Variants in GRIK2 observed in about 807,000 individuals in gnomAD.
The protein encoded by GRIK2 is glutamate receptor ionotropic, kainate 2.
In GRIK2, 32 loss-of-function variants were observed where a neutral mutation model predicts 100.3. The ratio of observed to expected loss-of-function variants is 0.32; its 90% confidence interval spans 0.24 to 0.43. The LOEUF (loss-of-function observed/expected upper bound fraction) is 0.43, where lower values mean the gene tolerates loss of function less well. Among genes scored for constraint, GRIK2 ranks in the 20% least tolerant of loss-of-function variants. GRIK2 has a pLI of 1.00. For missense variants in GRIK2, 843 were observed against 1,114.9 expected, an observed-to-expected ratio of 0.76 and a Z score of 3.47; for synonymous variants, 417 against 389.4, an observed-to-expected ratio of 1.07 and a Z score of -0.83.
chr6:101,799,306 T>A (rs548827305), intron 7 of GRIK2, among the ~76,000 whole-genome samples: 1 of 149,150 alleles, frequency 6.7e-6, no homozygotes, highest in African/African-American at 2.5e-5. Flanking sequence ...TGTGTGTGTG[T>A]ATAAGTGAGA....
At chr6:101,452,662 T>C (rs982405010) in intron 2 of GRIK2, among the ~76,000 whole-genome samples, 8 of 151,800 alleles carry the variant, frequency 5.3e-5, no homozygotes, top group African/African-American at 1.9e-4. Context: ...TTGAAGTGCC[T>C]TCAAGCAAAA....
chr6:101,909,380 T>TTTGTTGTTG (rs1337762923), intron 12 of GRIK2, among the ~76,000 whole-genome samples: 4 of 132,532 alleles, frequency 3.0e-5, no homozygotes, highest in African/African-American at 1.3e-4. Context: ...GGTTTTCTTT[T>TTTGTTGTTG]TCTTTTTTTT....
chr6:102,042,367 A>G (rs1310452527), intron 15 of GRIK2, among the ~76,000 whole-genome samples: 1 of 151,684 alleles, frequency 6.6e-6, no homozygotes, highest in African/African-American at 2.4e-5. Context: ...AAATATAAAC[A>G]TAAATCATCT....
intron 7 of GRIK2, among the ~76,000 whole-genome samples, chr6:101,739,010 C>A (rs550759007): frequency 6.6e-6 from 1 of 152,314 alleles, no homozygotes; most frequent in Admixed American, 6.5e-5. Context: ...AGCCTTGTTT[C>A]TCTTTTAACA....
Position 101,402,017 on chromosome 6 carries a change from C to A in GRIK2, c.115+2625C>A, listed in dbSNP as rs375377929. On this transcript the variant is annotated intron_variant, in intron 2 of 16. Coordinates refer to ENST00000369134, the MANE Select transcript of GRIK2 (RefSeq NM_021956.5). ...CCGCCCAGGCGGCCACCCCAGCCCC[C>A]CTTCCCCGCTAGTTAAGGCTCTGTG... Among the ~76,000 whole-genome samples the A allele has an allele frequency of 4.6e-5, 7 of 152,238 alleles. No individual in the cohort carries two copies. The East Asian group carries it at 9.7e-4, about 21-fold the overall frequency.
chr6:101,656,030 T>C (rs1782047063), intron 4 of GRIK2, among the ~76,000 whole-genome samples: 1 of 151,986 alleles, frequency 6.6e-6, no homozygotes, highest in Non-Finnish European at 1.5e-5. Context: ...AGGCTGGGCA[T>C]GGTGGCTCAT....
intron 2 of GRIK2, among the ~76,000 whole-genome samples, chr6:101,483,888 G>A (rs934353656): frequency 6.6e-6 from 1 of 152,116 alleles, no homozygotes; most frequent in South Asian, 2.1e-4. Context: ...AGTTTTTATT[G>A]ATTCACTTTC....
chr6:101,548,003 A>G (rs1167755128), intron 2 of GRIK2, among the ~76,000 whole-genome samples: 1 of 151,930 alleles, frequency 6.6e-6, no homozygotes, highest in Non-Finnish European at 1.5e-5. Flanking sequence ...CTTTTGAATG[A>G]TTGCCATTCT....
At chr6:101,874,355 TC>T (rs1785656102) in intron 11 of GRIK2, among the ~76,000 whole-genome samples, 1 of 152,170 alleles carries the variant, frequency 6.6e-6, no homozygotes, top group Non-Finnish European at 1.5e-5. Context: ...AAATAGGGAA[TC>T]CTTTCCCCAT....
In GRIK2 at chr6:101,771,700, A is replaced by G. The variant is rs1396763709; in HGVS notation, c.952-27948A>G. ...CTCCCCCCTCCCCCCACCCCACAAC[A>G]GTCCCTGTTGTGTGATGTTCCCCTT... On this transcript the variant is annotated intron_variant, in intron 7 of 16. Coordinates refer to ENST00000369134, the MANE Select transcript of GRIK2 (RefSeq NM_021956.5). 7.8e-4 allele frequency among the ~76,000 whole-genome samples: 81 copies of G among 104,344 alleles called. 1 individual carries two copies. Among genetic ancestry groups the G allele is most frequent in the Non-Finnish European group, 1.4e-4 (8 of 55,752 alleles). 68.5% of individuals were successfully genotyped at this position (104,344 alleles called of 152,430 possible). A position where few individuals can be genotyped will look rare whatever the true frequency, so the allele number is the denominator to read the frequency against.
chr6:101,503,927 G>A (rs1773896476), intron 2 of GRIK2, among the ~76,000 whole-genome samples: 1 of 152,102 alleles, frequency 6.6e-6, no homozygotes, highest in Admixed American at 6.6e-5. Flanking sequence ...ACTATGTAGA[G>A]ACTATCTGGA....
intron 2 of GRIK2, among the ~76,000 whole-genome samples, chr6:101,417,043 T>C (rs1402701375): frequency 6.6e-6 from 1 of 152,144 alleles, no homozygotes; most frequent in African/African-American, 2.4e-5. Context: ...AGGAAAGCGG[T>C]TTAATTGACT....
chr6:101,929,482 TA>T (rs75539570), intron 14 of GRIK2, among the ~76,000 whole-genome samples: 4,522 of 139,842 alleles, frequency 0.032, 143 homozygotes, highest in Admixed American at 0.1. Flanking sequence ...TATTTTTTTT[TA>T]AAAAAATGAT....
At chr6:101,694,735 A>C (rs920848082) in intron 7 of GRIK2, among the ~76,000 whole-genome samples, 1 of 151,984 alleles carries the variant, frequency 6.6e-6, no homozygotes, top group Non-Finnish European at 1.5e-5. Flanking sequence ...AAATACACCA[A>C]ACTAAACTAT....
intron 6 of GRIK2, among the ~76,000 whole-genome samples, chr6:101,684,458 A>G (rs1287621990): frequency 6.6e-6 from 1 of 152,114 alleles, no homozygotes; most frequent in Admixed American, 6.6e-5. Context: ...AGTCTCCTGA[A>G]TAGGTTTTAT....
intron 10 of GRIK2, among the ~76,000 whole-genome samples, chr6:101,822,291 C>T (rs999645336): frequency 2.0e-5 from 3 of 150,260 alleles, no homozygotes; most frequent in Non-Finnish European, 4.4e-5. Context: ...GTAAATGATA[C>T]GGTGCCTTAA....
intron 14 of GRIK2, chr6:101,993,553 CA>C (rs1236754418): frequency 6.6e-6 from 1 of 150,932 alleles, no homozygotes; most frequent in African/African-American, 2.4e-5. Flanking sequence ...ATTTCATAAG[CA>C]ACCATAAATT....
intron 14 of GRIK2, 140 bp from the exon 15 acceptor site, chr6:102,035,201 A>ATATC: frequency 3.9e-6 from 1 of 254,424 alleles, no homozygotes. Context: ...TGGTATATAT[A>ATATC]TATATATATA....
intron 14 of GRIK2, among the ~76,000 whole-genome samples, chr6:102,005,740 T>G (rs1481555034): frequency 6.6e-6 from 1 of 152,138 alleles, no homozygotes; most frequent in Non-Finnish European, 1.5e-5. Context: ...TTATTTCTTA[T>G]CCAAGTGTAT....
Sources: gnomAD v4.1 joint callset for allele counts (sites outside exome capture counted in the v4.1 genomes callset) on GRCh38, gnomAD v4.1.1 for gene constraint, MANE v1.5 for transcripts, NCBI Gene and HGNC (gene_info 2026-07-23, HGNC 2026-07-21) for gene names.